Variants in MYOM2 observed in about 807,000 individuals in gnomAD.
The protein encoded by MYOM2 is myomesin 2, also known as myomesin-2.
A neutral mutation model predicts 187.6 loss-of-function variants in MYOM2; 254 were observed. The observed-to-expected ratio is 1.35, with a 90% confidence interval of 1.22 to 1.50. MYOM2 has a LOEUF of 1.50. Ranked by LOEUF, MYOM2 falls within the 40% of genes most tolerant of loss-of-function variation. The pLI is 0.00. For synonymous variants in MYOM2, 981 were observed against 753.8 expected, an observed-to-expected ratio of 1.30 and a Z score of -4.94; for missense variants, 2,796 against 1,924.0, an observed-to-expected ratio of 1.45 and a Z score of -8.48.
intron 28 of MYOM2, 61 bp downstream of exon 28, chr8:2,118,013 C>A (rs968902938): frequency 6.9e-6 from 10 of 1,450,884 alleles, no homozygotes; most frequent in East Asian, 4.5e-5. Flanking sequence ...ATCAGAGAGG[C>A]CTTTCAGGGA....
chr8:2,117,640 C>T (rs959115788), intron 27 of MYOM2, among the ~76,000 whole-genome samples: 3 of 152,146 alleles, frequency 2.0e-5, no homozygotes, highest in Admixed American at 6.5e-5. Flanking sequence ...CCAGGAAGCA[C>T]AGATTCCAGT....
intron 32 of MYOM2, among the ~76,000 whole-genome samples, chr8:2,136,837 A>C (rs1026719081): frequency 5.9e-5 from 9 of 152,222 alleles, no homozygotes; most frequent in African/African-American, 2.2e-4. Context: ...CACCACTGGA[A>C]TGGAACGTAG....
chr8:2,097,079 G>A (rs1796519165), intron 18 of MYOM2: 1 of 975,190 alleles, frequency 1.0e-6, no homozygotes, highest in South Asian at 4.7e-5. Flanking sequence ...CGTCCGGACT[G>A]TGGGGAGCCA....
intron 14 of MYOM2, among the ~76,000 whole-genome samples, chr8:2,089,021 G>T (rs539994415): frequency 9.9e-5 from 15 of 152,246 alleles, no homozygotes; most frequent in Non-Finnish European, 1.9e-4. Context: ...AAACGCCCGG[G>T]GCAGATACAA....
intron 36 of MYOM2, 39 bp downstream of exon 36, chr8:2,143,495 A>G: frequency 6.2e-7 from 1 of 1,612,244 alleles, no homozygotes; most frequent in Non-Finnish European, 8.5e-7. Context: ...GGGTGTCAGC[A>G]CGGTGCGATG....
intron 32 of MYOM2, among the ~76,000 whole-genome samples, chr8:2,137,329 G>C (rs5023995): frequency 0.16 from 24,399 of 151,630 alleles, 3,700 homozygotes; most frequent in African/African-American, 0.39. Context: ...AGCACGAACA[G>C]AGCATTTCGT....
chr8:2,134,481 A>C (rs1797996447), intron 32 of MYOM2, among the ~76,000 whole-genome samples: 1 of 150,558 alleles, frequency 6.6e-6, no homozygotes, highest in African/African-American at 2.5e-5. Context: ...TAAATACTTC[A>C]GGACTTGGCA....
rs753873929 is a variant in MYOM2, at chr8:2,098,984, G to A, written c.2440+1G>A. The stretch of plus-strand genomic sequence containing the variant: ...GAGGCCTGGACCATGCCGGAGCCCG[G>A]TGAGTCGCTGCCCCCAGGACACCCG... On this transcript the variant is annotated splice_donor_variant, in intron 19 of 36. Coordinates refer to ENST00000262113, the MANE Select transcript of MYOM2 (RefSeq NM_003970.4). LOFTEE classifies it high-confidence loss of function. The A allele has an allele frequency of 2.5e-6, 4 of 1,601,034 alleles. No homozygotes were observed. The highest frequency in any genetic ancestry group is 3.4e-6 in the Non-Finnish European group (4 of 1,171,020).
At chr8:2,125,205 C>T (rs941234570) in intron 31 of MYOM2, among the ~76,000 whole-genome samples, 2 of 152,212 alleles carry the variant, frequency 1.3e-5, no homozygotes, top group East Asian at 1.9e-4. Flanking sequence ...TTCCTTCCAG[C>T]GGCTTCGCAG....
intron 17 of MYOM2, among the ~76,000 whole-genome samples, chr8:2,095,401 C>T (rs1188790818): frequency 6.6e-6 from 1 of 151,728 alleles, no homozygotes; most frequent in Non-Finnish European, 1.5e-5. Context: ...AAGTGATCCT[C>T]ATGCCTCAGC....
At chr8:2,103,465 T>G (rs1796784974) in intron 21 of MYOM2, among the ~76,000 whole-genome samples, 1 of 147,230 alleles carries the variant, frequency 6.8e-6, no homozygotes, top group Non-Finnish European at 1.5e-5. Flanking sequence ...ATGTGTTATG[T>G]GTATATGTGT....
In MYOM2 at chr8:2,142,378, T is replaced by A. The variant is rs766667014; in HGVS notation, c.4005T>A (p.Ala1335=). ...TTCTGTCCCCTTTAACTTTTAGAGC[T>A]GCTGCTTTTGCAGAGAAGAGTAAGT... The part of the protein sequence containing the change: ...EAFAEFQQFK[A]AAFAEKNRGR... Residue 1335 remains alanine (A), a synonymous_variant, in exon 35 of 37, where the codon GCT becomes GCA. Transcript: ENST00000262113. The A allele has an allele frequency of 2.5e-6, 4 of 1,613,774 alleles. No homozygotes were observed. Among genetic ancestry groups the A allele is most frequent in the Admixed American group, 3.3e-5 (2 of 60,010 alleles).
intron 28 of MYOM2, among the ~76,000 whole-genome samples, chr8:2,120,600 C>G (rs1222980091): frequency 1.6e-5 from 2 of 127,320 alleles, no homozygotes; most frequent in Non-Finnish European, 3.3e-5. Flanking sequence ...ATGAAAGGAA[C>G]CGTCTTACTA....
intron 6 of MYOM2, among the ~76,000 whole-genome samples, chr8:2,068,752 A>G (rs1819110918): frequency 6.6e-6 from 1 of 152,184 alleles, no homozygotes; most frequent in South Asian, 2.1e-4. Flanking sequence ...CGGCTCCTGC[A>G]TGGAATGGAC....
intron 3 of MYOM2, among the ~76,000 whole-genome samples, chr8:2,054,539 A>G (rs1386423761): frequency 6.6e-6 from 1 of 152,204 alleles, no homozygotes; most frequent in African/African-American, 2.4e-5. Flanking sequence ...TATTTCCTCA[A>G]TGTCCTGACT....
chr8:2,074,252 C>G (rs1819337514), intron 10 of MYOM2, among the ~76,000 whole-genome samples: 1 of 152,138 alleles, frequency 6.6e-6, no homozygotes, highest in East Asian at 1.9e-4. Flanking sequence ...GGAATTCTTA[C>G]AGTGATAGCA....
At chr8:2,144,091 C>T (rs1427196678) in intron 36 of MYOM2, among the ~76,000 whole-genome samples, 2 of 152,156 alleles carry the variant, frequency 1.3e-5, no homozygotes, top group African/African-American at 2.4e-5. Flanking sequence ...AATTTATAGA[C>T]GTCTTCTTTA....
Position 2,124,169 on chromosome 8 carries a change from T to C in MYOM2, c.3656-10T>C. ...ATGTCGTAATGGTGCGTATCCCTTC[T>C]CATTTTCAGTGTATGATGATATGAT... On this transcript the variant is annotated splice_polypyrimidine_tract_variant and intron_variant, in intron 30 of 36. Coordinates refer to ENST00000262113, the MANE Select transcript of MYOM2 (RefSeq NM_003970.4). 2 of 1,611,144 alleles carry C rather than the reference T, an allele frequency of 1.2e-6. No individual in the cohort carries two copies. Among genetic ancestry groups the C allele is most frequent in the Non-Finnish European group, 1.7e-6 (2 of 1,178,262 alleles).
intron 35 of MYOM2, 106 bp downstream of exon 35, chr8:2,142,503 TC>T: frequency 1.8e-6 from 2 of 1,127,726 alleles, no homozygotes; most frequent in Non-Finnish European, 1.4e-6. Flanking sequence ...TAACCAGCAA[TC>T]CCCCACCCTG....
Sources: allele counts gnomAD v4.1 joint callset (sites outside exome capture counted in the v4.1 genomes callset), GRCh38; gene constraint gnomAD v4.1.1; transcripts MANE v1.5; gene names NCBI Gene and HGNC (gene_info 2026-07-23, HGNC 2026-07-21).